PDZD2: variants seen among roughly 807,000 people sequenced by gnomAD.
PDZD2 encodes PDZ domain containing 2.
PDZD2 carries 90 observed loss-of-function variants against 220.7 expected under a neutral mutation model. The observed-to-expected ratio is 0.41, with a 90% CI of 0.34 to 0.49. The LOEUF (loss-of-function observed/expected upper bound fraction) is 0.49, where lower values mean the gene tolerates loss of function less well. PDZD2 is among the 20% of genes least tolerant of loss of function. The probability of loss-of-function intolerance (pLI) is 0.28; values close to 1 mark genes in which losing one functional copy is unlikely to be tolerated. For synonymous variants in PDZD2, 1,375 were observed against 1,450.5 expected (o/e 0.95, Z 1.18); for missense variants, 3,174 against 3,608.5 (o/e 0.88, Z 3.08).
chr5:31,672,209 G>A (rs1267811883), intron 1 of PDZD2, among the ~76,000 whole-genome samples: 1 of 152,168 alleles, frequency 6.6e-6, no homozygotes, highest in Non-Finnish European at 1.5e-5. Context: ...TTGAATGTAT[G>A]TAGGAATCAC....
chr5:31,956,546 CA>C (rs201323301), intron 2 of PDZD2, among the ~76,000 whole-genome samples: 25,325 of 91,792 alleles, frequency 0.28, 2,322 homozygotes, highest in South Asian at 0.34. Flanking sequence ...GACTCTGTCT[CA>C]AAAAAAAAAA....
At chr5:31,821,150 T>C (rs1032182268) in intron 2 of PDZD2, among the ~76,000 whole-genome samples, 49 of 152,196 alleles carry the variant, frequency 3.2e-4, no homozygotes, top group African/African-American at 1.1e-3. Context: ...TTTATAATCA[T>C]CTTTTCACTT....
At chr5:31,909,395 C>A (rs35360671) in intron 2 of PDZD2, among the ~76,000 whole-genome samples, 48,488 of 151,938 alleles carry the variant, frequency 0.32, 8,030 homozygotes, top group African/African-American at 0.39. Flanking sequence ...TTAAACTCAA[C>A]AAATCTAAGC....
chr5:31,712,353 C>T (rs73749479), intron 1 of PDZD2, among the ~76,000 whole-genome samples: 169 of 152,158 alleles, frequency 1.1e-3, no homozygotes, highest in African/African-American at 3.7e-3. Flanking sequence ...CTGGGCTGGT[C>T]GAGAAGCCCT....
chr5:31,648,150 T>G (rs1745204343), intron 1 of PDZD2, among the ~76,000 whole-genome samples: 1 of 152,210 alleles, frequency 6.6e-6, no homozygotes, highest in African/African-American at 2.4e-5. Context: ...TCCTCTTTTT[T>G]GGCTATTCTA....
At chr5:31,791,150 A>G (rs1183085129) in intron 1 of PDZD2, among the ~76,000 whole-genome samples, 2 of 152,134 alleles carry the variant, frequency 1.3e-5, no homozygotes, top group Non-Finnish European at 2.9e-5. Flanking sequence ...TGATTTTTGT[A>G]ACCCTGCAAG....
intron 1 of PDZD2, among the ~76,000 whole-genome samples, chr5:31,673,042 C>T (rs138362584): frequency 1.3e-5 from 2 of 152,192 alleles, no homozygotes; most frequent in South Asian, 2.1e-4. Context: ...TGAGATACTA[C>T]GGGGAAAGAA....
intron 24 of PDZD2, among the ~76,000 whole-genome samples, chr5:32,107,013 TTCAG>T (rs897502074): frequency 3.3e-5 from 5 of 152,186 alleles, no homozygotes; most frequent in African/African-American, 1.2e-4. Context: ...AATAACGACT[TTCAG>T]TAATTTAGGA....
intron 3 of PDZD2, among the ~76,000 whole-genome samples, chr5:31,992,982 C>T (rs1261241479): frequency 1.3e-5 from 2 of 152,118 alleles, no homozygotes; most frequent in Non-Finnish European, 2.9e-5. Context: ...GTCAGCACAT[C>T]CCTGATTCTG....
chr5:31,855,531 C>G (rs7711418), intron 2 of PDZD2, among the ~76,000 whole-genome samples: 109,474 of 152,180 alleles, frequency 0.72, 40,382 homozygotes, highest in African/African-American at 0.89. Context: ...AACCTTGGGG[C>G]CTGTGCCGTT....
At chr5:32,072,094 G>C (rs1394040915) in intron 16 of PDZD2, 67 bp from the exon 17 acceptor site, 7 of 1,133,494 alleles carry the variant, frequency 6.2e-6, no homozygotes, top group Admixed American at 3.9e-5. Context: ...AAGATAGGAC[G>C]TAATAACCCT....
intron 2 of PDZD2, among the ~76,000 whole-genome samples, chr5:31,933,192 A>G (rs1745450075): frequency 6.6e-6 from 1 of 152,196 alleles, no homozygotes; most frequent in Non-Finnish European, 1.5e-5. Flanking sequence ...ATTACAGGCC[A>G]TGAGCCACTG....
chr5:31,934,607 T>TAAAAAAAAAAAAAA (rs5867117), intron 2 of PDZD2, among the ~76,000 whole-genome samples: 1 of 118,082 alleles, frequency 8.5e-6, no homozygotes, highest in Non-Finnish European at 1.7e-5. Context: ...ACCATCTAAT[T>TAAAAAAAAAAAAAA]AAAAAAAAAA....
chr5:32,033,816 G>A (rs149820029), intron 6 of PDZD2, among the ~76,000 whole-genome samples: 1,864 of 152,006 alleles, frequency 0.012, 35 homozygotes, highest in African/African-American at 0.041. Context: ...ATGGGGTTTC[G>A]CCATGTTGGC....
At chr5:31,808,036 T>C (rs1754842350) in intron 2 of PDZD2, among the ~76,000 whole-genome samples, 1 of 152,176 alleles carries the variant, frequency 6.6e-6, no homozygotes, top group African/African-American at 2.4e-5. Context: ...AAGAGGCTGC[T>C]AGAAGGTGTT....
intron 12 of PDZD2, among the ~76,000 whole-genome samples, chr5:32,058,720 T>C (rs1283789558): frequency 6.7e-6 from 1 of 150,082 alleles, no homozygotes; most frequent in East Asian, 1.9e-4. Flanking sequence ...AGTCTGGGGC[T>C]AATATAAAAT....
chr5:32,073,847 GA>G lies in PDZD2; in HGVS notation c.2745del (p.Lys915AsnfsTer8). 1 of 1,608,726 alleles carries G rather than the reference GA, an allele frequency of 6.2e-7. No homozygotes were observed. The highest frequency in any genetic ancestry group is 8.5e-7 in the Non-Finnish European group (1 of 1,178,198). On this transcript the variant is annotated frameshift_variant, in exon 18 of 25. Coordinates refer to ENST00000438447, the MANE Select transcript of PDZD2 (RefSeq NM_178140.4). LOFTEE classifies it high-confidence loss of function. Reference protein sequence around the residue: ...PPSTSTHKEPGKPRANSLVTL... With the variant: ...PPSTSTHKEPXKPRANSLVTL... Reference sequence around the variant, plus strand: ...CCTCCACCAGCTCACAAGGAGCCTGGAAAACCCAGAGCCAACAGCCTCGTGA... The same window carrying G: ...CCTCCACCAGCTCACAAGGAGCCTGGAAACCCAGAGCCAACAGCCTCGTGA...
At chr5:31,806,849 C>T (rs1318015392) in intron 2 of PDZD2, among the ~76,000 whole-genome samples, 1 of 151,344 alleles carries the variant, frequency 6.6e-6, no homozygotes, top group African/African-American at 2.4e-5. Flanking sequence ...CACACCAAAA[C>T]AGAAACAAAT....
At chr5:32,009,213 G>A (rs1397879348) in intron 5 of PDZD2, among the ~76,000 whole-genome samples, 3 of 151,932 alleles carry the variant, frequency 2.0e-5, no homozygotes, top group East Asian at 1.9e-4. Flanking sequence ...GCATGGTGGC[G>A]TGTGCCTGTA....
Sources: allele counts gnomAD v4.1 joint callset (sites outside exome capture counted in the v4.1 genomes callset), GRCh38; gene constraint gnomAD v4.1.1; transcripts MANE v1.5; gene names NCBI Gene and HGNC (gene_info 2026-07-23, HGNC 2026-07-21).